EPHB2: variants seen among roughly 807,000 people sequenced by gnomAD.
The protein encoded by EPHB2 is ephrin type-B receptor 2.
In EPHB2, 18 loss-of-function variants were observed where a neutral mutation model predicts 96.4. The ratio of observed to expected loss-of-function variants is 0.19; its 90% CI spans 0.13 to 0.28. The LOEUF (loss-of-function observed/expected upper bound fraction) is 0.28. Among genes scored for constraint, EPHB2 ranks in the 10% least tolerant of loss-of-function variants. The probability of loss-of-function intolerance (pLI) is 1.00; values close to 1 mark genes in which losing one functional copy is unlikely to be tolerated. For synonymous variants in EPHB2, 506 were observed against 534.1 expected (o/e 0.95, Z 0.72); for missense variants, 989 against 1,355.4 (o/e 0.73, Z 4.25).
chr1:22,858,980 A>G lies in EPHB2; in HGVS notation c.812-4057A>G, dbSNP rs960505897. On this transcript the variant is annotated intron_variant, in intron 3 of 15. Transcript: ENST00000374630. The surrounding 1 kb of genome is among the most constrained non-coding windows in gnomAD (Gnocchi z 7.7). ...CAAGTAATTAAAATAGGCACTGTAT[A>G]CAAAAAAATTAGCCCGGCGTGGTGG... Among the ~76,000 whole-genome samples, 2 of 152,122 alleles carry G rather than the reference A, an allele frequency of 1.3e-5. No individual in the cohort carries two copies. Among genetic ancestry groups the G allele is most frequent in the Non-Finnish European group, 2.9e-5 (2 of 68,026 alleles).
intron 1 of EPHB2, among the ~76,000 whole-genome samples, chr1:22,744,035 A>G (rs1643936148): frequency 1.3e-5 from 2 of 152,206 alleles, no homozygotes; most frequent in Non-Finnish European, 2.9e-5. Context: ...GAACTCACCC[A>G]GTAGTACTAA....
chr1:22,871,839 A>G (rs1427760643), intron 5 of EPHB2, among the ~76,000 whole-genome samples: 1 of 152,132 alleles, frequency 6.6e-6, no homozygotes, highest in Admixed American at 6.5e-5. Flanking sequence ...AACATGGTGA[A>G]ACCCCATCTC....
At chr1:22,893,812 CA>C (rs1639467540) in intron 7 of EPHB2, among the ~76,000 whole-genome samples, 1 of 152,190 alleles carries the variant, frequency 6.6e-6, no homozygotes, top group Non-Finnish European at 1.5e-5. Flanking sequence ...CACTAAGTCC[CA>C]AGCATTTCAG....
At chr1:22,886,474 C>T (rs1006297348) in intron 6 of EPHB2, among the ~76,000 whole-genome samples, 1 of 152,200 alleles carries the variant, frequency 6.6e-6, no homozygotes, top group Admixed American at 6.5e-5. Flanking sequence ...ATCCCTGTAG[C>T]TTGCTGTGTG....
Position 22,908,033 on chromosome 1 carries a change from C to T in EPHB2, c.2217C>T (p.Asp739=). ...GIAAGMKYLA[D]MNYVHRDLAA... ...CAGCTGGCATGAAGTACCTGGCAGA[C>T]ATGAACTATGTTCACCGTGACCTGG... The change falls in exon 12 of 16, where the codon GAC becomes GAT. Residue 739 remains aspartate (D), a synonymous_variant. Coordinates refer to ENST00000374630, the MANE Select transcript of EPHB2 (RefSeq NM_017449.5). The T allele has an allele frequency of 1.2e-6, 2 of 1,614,272 alleles. No homozygotes were observed. The highest frequency in any genetic ancestry group is 1.3e-5 in the African/African-American group (1 of 75,072).
rs141626076 is a variant in EPHB2 at position 22,865,015 on chromosome 1, G to C, written c.1106G>C (p.Arg369Pro). The C allele has an allele frequency of 3.7e-6, 6 of 1,612,012 alleles. No homozygotes were observed. Among genetic ancestry groups the C allele is most frequent in the Non-Finnish European group, 5.1e-6 (6 of 1,178,382 alleles). ...NIICKSCGSGRGACTRCGDNV... is the reference protein window; with the variant it reads ...NIICKSCGSGPGACTRCGDNV... ...ATCTGCAAGAGCTGTGGCTCGGGCC[G>C]GGGTGCCTGCACCCGCTGCGGGGAC... Residue 369 changes from arginine to proline, a missense_variant, in exon 5 of 16, where the codon CGG (arginine) becomes CCG (proline). Physicochemically the swap from Arg to Pro is moderately radical, Grantham distance 103. Transcript: ENST00000374630.
chr1:22,848,327 G>A (rs887672501), intron 3 of EPHB2, among the ~76,000 whole-genome samples: 3 of 152,064 alleles, frequency 2.0e-5, no homozygotes, highest in East Asian at 1.9e-4. Context: ...ACCTCACCCC[G>A]ATCCACTCCA....
At chr1:22,797,349 G>T (rs955952442) in intron 3 of EPHB2, among the ~76,000 whole-genome samples, 1 of 152,070 alleles carries the variant, frequency 6.6e-6, no homozygotes, top group Non-Finnish European at 1.5e-5. Context: ...CATCTTCTTC[G>T]ACCTGCCAGC....
At chr1:22,871,449 T>G (rs573058188) in intron 5 of EPHB2, among the ~76,000 whole-genome samples, 1 of 152,266 alleles carries the variant, frequency 6.6e-6, no homozygotes, top group East Asian at 1.9e-4. Context: ...TCAGCCCCCA[T>G]CCCACATGGC....
At chr1:22,870,298 A>C (rs148849092) in intron 5 of EPHB2, among the ~76,000 whole-genome samples, 2 of 152,022 alleles carry the variant, frequency 1.3e-5, no homozygotes, top group Non-Finnish European at 2.9e-5. Flanking sequence ...CCTCATATTC[A>C]TGAGTCGTGC....
chr1:22,820,242 T>C lies in EPHB2; in HGVS notation c.811+35166T>C, dbSNP rs149307415. Among the ~76,000 whole-genome samples the C allele has an allele frequency of 1.4e-3, 209 of 152,166 alleles. 1 individual carries two copies. Among genetic ancestry groups the C allele is most frequent in the African/African-American group, 4.8e-3 (199 of 41,554 alleles). ...GGTGTTCCCATTCTTACATGTGTCA[T>C]CCCACGTATAACAGAGAGTGAAGAT... On this transcript the variant is annotated intron_variant, in intron 3 of 15. Coordinates refer to ENST00000374630, the MANE Select transcript of EPHB2 (RefSeq NM_017449.5).
intron 1 of EPHB2, among the ~76,000 whole-genome samples, chr1:22,739,045 G>T (rs563561718): frequency 1.3e-5 from 2 of 152,158 alleles, no homozygotes; most frequent in East Asian, 1.9e-4. Flanking sequence ...ATTATGTTGT[G>T]TACTTTTTTT....
intron 1 of EPHB2, among the ~76,000 whole-genome samples, chr1:22,731,445 G>T (rs755323185): frequency 6.6e-6 from 1 of 152,204 alleles, no homozygotes; most frequent in Non-Finnish European, 1.5e-5. Flanking sequence ...CTGTGGACAA[G>T]TTGCTTCACT....
At chr1:22,876,468 T>TC (rs1194786161) in intron 5 of EPHB2, among the ~76,000 whole-genome samples, 1 of 151,834 alleles carries the variant, frequency 6.6e-6, no homozygotes, top group Admixed American at 6.6e-5. Context: ...GGGGCTGAAC[T>TC]CCCCTCTGGG....
chr1:22,896,399 C>T lies in EPHB2; in HGVS notation c.1701-15C>T. ...GCCTTCAGGTGGCTCCAGCCCTTTGCTCTTGTTCCAGAAGACGGGGGTTTG... is the reference window on the plus strand; with the variant it reads ...GCCTTCAGGTGGCTCCAGCCCTTTGTTCTTGTTCCAGAAGACGGGGGTTTG... On this transcript the variant is annotated splice_polypyrimidine_tract_variant and intron_variant, in intron 8 of 15. Coordinates refer to ENST00000374630, the MANE Select transcript of EPHB2 (RefSeq NM_017449.5). The T allele has an allele frequency of 6.2e-7, 1 of 1,614,110 alleles. No homozygotes were observed. The highest frequency in any genetic ancestry group is 8.5e-7 in the Non-Finnish European group (1 of 1,180,010).
intron 3 of EPHB2, 115 bp downstream of exon 3, chr1:22,785,191 C>A: frequency 7.6e-7 from 1 of 1,309,352 alleles, no homozygotes; most frequent in Non-Finnish European, 1.0e-6. Flanking sequence ...CCATGAGGCA[C>A]TCTAGGGCCA....
intron 3 of EPHB2, among the ~76,000 whole-genome samples, chr1:22,857,039 G>A (rs983610543): frequency 2.0e-5 from 3 of 152,168 alleles, no homozygotes; most frequent in Non-Finnish European, 2.9e-5. Flanking sequence ...ATGCAGAAGT[G>A]AAAGACTCAG....
At chr1:22,807,536 G>A (rs1644944070) in intron 3 of EPHB2, among the ~76,000 whole-genome samples, 1 of 152,152 alleles carries the variant, frequency 6.6e-6, no homozygotes, top group Admixed American at 6.5e-5. Flanking sequence ...AGGTCAGCTG[G>A]TCCAGCTCCC....
intron 1 of EPHB2, among the ~76,000 whole-genome samples, chr1:22,738,420 C>T (rs1480688466): frequency 2.0e-5 from 3 of 152,220 alleles, no homozygotes; most frequent in Non-Finnish European, 4.4e-5. Context: ...ATGCCAAGCT[C>T]TGCTGGTACT....
Sources: gnomAD v4.1 joint callset for allele counts (sites outside exome capture counted in the v4.1 genomes callset) on GRCh38, gnomAD v4.1.1 for gene constraint, Gnocchi (gnomAD v3.1) non-coding constraint, MANE v1.5 for transcripts, NCBI Gene and HGNC (gene_info 2026-07-23, HGNC 2026-07-21) for gene names.